VTI1A: variants seen among roughly 807,000 people sequenced by gnomAD.
VTI1A encodes the protein vesicle transport through interaction with t-SNAREs homolog 1A.
Under a neutral mutation model 34.9 loss-of-function variants are expected in VTI1A, and 22 were observed. The observed-to-expected ratio is 0.63, with a 90% CI of 0.45 to 0.90. VTI1A has a LOEUF of 0.90. Among genes scored for constraint, VTI1A ranks in the 40% least tolerant of loss-of-function variants. VTI1A has a pLI of 0.00. For missense variants in VTI1A, 268 were observed against 275.6 expected, an observed-to-expected ratio of 0.97 and a Z score of 0.20; for synonymous variants, 87 against 97.3, an observed-to-expected ratio of 0.89 and a Z score of 0.62.
At chr10:112,524,120 A>G (rs1260875057) in intron 3 of VTI1A, among the ~76,000 whole-genome samples, 1 of 151,976 alleles carries the variant, frequency 6.6e-6, no homozygotes, top group East Asian at 1.9e-4. Flanking sequence ...CATTCAAAGG[A>G]TTTTCCCCCT....
intron 7 of VTI1A, among the ~76,000 whole-genome samples, chr10:112,708,362 T>C (rs186486339): frequency 1.3e-5 from 2 of 152,360 alleles, no homozygotes; most frequent in Non-Finnish European, 1.5e-5. Flanking sequence ...TAAACAGGGT[T>C]ACAGGTCTGT....
chr10:112,614,939 A>G (rs1005957991), intron 5 of VTI1A, among the ~76,000 whole-genome samples: 1 of 152,174 alleles, frequency 6.6e-6, no homozygotes, highest in East Asian at 1.9e-4. Context: ...CACCACCAGC[A>G]TAGGAAAGTA....
chr10:112,504,523 G>T (rs1318594216), intron 3 of VTI1A, among the ~76,000 whole-genome samples: 1 of 151,700 alleles, frequency 6.6e-6, no homozygotes, highest in African/African-American at 2.4e-5. Context: ...TAGCTTAATG[G>T]TCCCATTGTA....
At chr10:112,768,651 C>G (rs1851714275) in intron 7 of VTI1A, among the ~76,000 whole-genome samples, 1 of 152,140 alleles carries the variant, frequency 6.6e-6, no homozygotes, top group Non-Finnish European at 1.5e-5. Flanking sequence ...AACTAGAAAA[C>G]TAAGTGCAGT....
chr10:112,488,072 T>G (rs1362322645), intron 3 of VTI1A, among the ~76,000 whole-genome samples: 2 of 152,182 alleles, frequency 1.3e-5, no homozygotes, highest in Non-Finnish European at 2.9e-5. Flanking sequence ...ATTAAAAGAG[T>G]ACTGTGGTAG....
At chr10:112,718,056 A>G (rs1274020892) in intron 7 of VTI1A, among the ~76,000 whole-genome samples, 5 of 152,178 alleles carry the variant, frequency 3.3e-5, no homozygotes, top group Non-Finnish European at 7.4e-5. Context: ...AGAGTCAGTC[A>G]CTCAAGTGTG....
At chr10:112,819,779 T>C (rs1052896751), downstream of VTI1A, among the ~76,000 whole-genome samples, 46 of 152,324 alleles carry the variant, frequency 3.0e-4, no homozygotes, top group African/African-American at 9.6e-4. Flanking sequence ...CTCCATGCTA[T>C]GGCTGCTGTC....
chr10:112,538,206 A>G, intron 4 of VTI1A, 40 bp from the exon 5 acceptor site: 9 of 1,569,460 alleles, frequency 5.7e-6, no homozygotes, highest in Non-Finnish European at 7.9e-6. Flanking sequence ...AACATTGTAG[A>G]CGGCCGTCTG....
intron 5 of VTI1A, among the ~76,000 whole-genome samples, chr10:112,581,195 C>T (rs908602357): frequency 2.0e-5 from 3 of 152,160 alleles, no homozygotes; most frequent in African/African-American, 7.2e-5. Context: ...TGGTTCTCTT[C>T]CTCTGGGATT....
At chr10:112,622,106 T>C (rs117716639) in intron 5 of VTI1A, among the ~76,000 whole-genome samples, 1,836 of 152,270 alleles carry the variant, frequency 0.012, 24 homozygotes, top group South Asian at 0.041. Flanking sequence ...CTGTTTTCTG[T>C]ATGTAGGCAG....
intron 5 of VTI1A, among the ~76,000 whole-genome samples, chr10:112,586,952 T>C (rs2134418094): frequency 6.6e-6 from 1 of 152,286 alleles, no homozygotes; most frequent in Admixed American, 6.5e-5. Flanking sequence ...AAATTCCACA[T>C]CCATAAACTT....
At chr10:112,625,233 G>A (rs893807814) in intron 5 of VTI1A, among the ~76,000 whole-genome samples, 1 of 152,372 alleles carries the variant, frequency 6.6e-6, no homozygotes, top group Admixed American at 6.5e-5. Flanking sequence ...AAGCACAGCA[G>A]CAGCCATTAC....
At chr10:112,466,850 A>T (rs1847913402) in intron 3 of VTI1A, among the ~76,000 whole-genome samples, 1 of 152,176 alleles carries the variant, frequency 6.6e-6, no homozygotes. Flanking sequence ...TTGGAGTTCA[A>T]GGTGTTGGCA....
At chr10:112,597,767 G>A (rs979254251) in intron 5 of VTI1A, among the ~76,000 whole-genome samples, 1 of 130,402 alleles carries the variant, frequency 7.7e-6, no homozygotes, top group African/African-American at 2.9e-5. Flanking sequence ...GCGCGACCTC[G>A]GCTCACTGCA....
chr10:112,602,892 C>A lies in VTI1A; in HGVS notation c.427+64562C>A, dbSNP rs116744413. ...TCAATTTTTTAAAAGCATTTGGTCACATAGAACTACTTGAAACTATTGTCC... is the reference window on the plus strand; with the variant it reads ...TCAATTTTTTAAAAGCATTTGGTCAAATAGAACTACTTGAAACTATTGTCC... On this transcript the variant is annotated intron_variant, in intron 5 of 7. Transcript: ENST00000393077. Among the ~76,000 whole-genome samples, 1,179 of 152,304 alleles carry A rather than the reference C, an allele frequency of 7.7e-3. 18 individuals are homozygous for A. The highest frequency in any genetic ancestry group is 0.027 in the African/African-American group (1,121 of 41,560).
chr10:112,719,442 A>G lies in VTI1A; in HGVS notation c.560+50444A>G, dbSNP rs1255585546. On this transcript the variant is annotated intron_variant, in intron 7 of 7. Transcript: ENST00000393077. ...TATTGTTTTTTTAACAGCTTTATTG[A>G]GATATAATTTATATGTTATATAATG... is the stretch of plus-strand genomic sequence containing the variant. Among the ~76,000 whole-genome samples the G allele has an allele frequency of 2.0e-5, 3 of 152,290 alleles. No individual in the cohort carries two copies. In the East Asian group the frequency reaches 5.8e-4, roughly 29 times the overall value.
chr10:112,524,610 G>A (rs1850152786), intron 3 of VTI1A, among the ~76,000 whole-genome samples: 2 of 152,062 alleles, frequency 1.3e-5, no homozygotes, highest in South Asian at 2.1e-4. Flanking sequence ...AAAAGCGGTG[G>A]ATTCTAACCA....
the VTI1A span, among the ~76,000 whole-genome samples, chr10:112,828,555 G>A: frequency 7.2e-5 from 11 of 151,910 alleles, no homozygotes; most frequent in South Asian, 1.5e-3. Context: ...ACAGGCGCCC[G>A]CCACCACGCC....
At chr10:112,596,361 A>G (rs915478458) in intron 5 of VTI1A, among the ~76,000 whole-genome samples, 40 of 152,186 alleles carry the variant, frequency 2.6e-4, no homozygotes, top group African/African-American at 9.2e-4. Context: ...AGACTTTTTT[A>G]TTTTACCAAA....
Sources: allele counts gnomAD v4.1 joint callset (sites outside exome capture counted in the v4.1 genomes callset), GRCh38; gene constraint gnomAD v4.1.1; transcripts MANE v1.5; gene names NCBI Gene and HGNC (gene_info 2026-07-23, HGNC 2026-07-21).